Variants in SZT2 observed in about 807,000 individuals in gnomAD.
The protein encoded by SZT2 is KICSTOR complex protein SZT2.
A neutral mutation model predicts 404.2 loss-of-function variants in SZT2; 216 were observed. That is an observed-to-expected ratio of 0.53 (90% CI 0.48 to 0.60). The LOEUF is 0.60. Ranked by LOEUF, SZT2 falls within the 20% of genes least tolerant of loss-of-function variation. SZT2 has a pLI of 0.00. For missense variants in SZT2, 3,857 were observed against 4,459.2 expected, an observed-to-expected ratio of 0.86 and a Z score of 3.85; for synonymous variants, 1,693 against 1,749.9, an observed-to-expected ratio of 0.97 and a Z score of 0.81.
Position 43,427,071 on chromosome 1 carries a change from G to A in SZT2, c.3325G>A (p.Glu1109Lys), listed in dbSNP as rs772564841. 12 of 1,614,018 alleles carry A rather than the reference G, an allele frequency of 7.4e-6. No individual in the cohort carries two copies. In the South Asian group the frequency reaches 8.8e-5, roughly 12 times the overall value. ...TCTCTTACAGAGTGTAGGTCTTCCT[G>A]AAACTCTCAAGCCTCTCATCTCTGC... ...AFTSLSVGLP[E>K]TLKPLISAQP... is the part of the protein sequence containing the mutation. Residue 1109 changes from glutamate (E) to lysine (K), a missense_variant, in exon 24 of 72, where the codon GAA becomes AAA. Transcript: ENST00000634258.
intron 39 of SZT2, 70 bp downstream of exon 39, chr1:43,432,869 G>A: frequency 6.3e-7 from 1 of 1,599,254 alleles, no homozygotes; most frequent in South Asian, 1.1e-5. Context: ...ACTGGGAAAG[G>A]TCTGGACAGG....
At position 43,453,532 on chromosome 1, in the gene SZT2, ACACTCCCCTGCCCGCGCCCCGG is replaced by A. The variant is rs763849207; in HGVS notation, c.*3056_*3077del. 5.0e-5 allele frequency: 76 copies of A among 1,528,406 alleles called. 2 individuals carry two copies. The Middle Eastern group carries it at 6.8e-4, about 14-fold the overall frequency. The allele number at this position is 1,528,406 out of a possible 1,614,324, so 94.7% of individuals were successfully genotyped here. ...GAACGGGCCTCAGCCCCCGGCTCGG[ACACTCCCCTGCCCGCGCCCCGG>A]CACCCCCCAGCCCTCCCAGCCCTCC... On this transcript the variant is annotated 3_prime_UTR_variant, in exon 72 of 72. Transcript: ENST00000634258.
In SZT2 at chr1:43,438,729, T is replaced by A; in HGVS notation, c.6539T>A (p.Val2180Asp). The A allele has an allele frequency of 6.2e-7, 1 of 1,613,854 alleles. No homozygotes were observed. Among genetic ancestry groups the A allele is most frequent in the Non-Finnish European group, 8.5e-7 (1 of 1,179,958 alleles). Reference sequence around the variant, plus strand: ...GAGATCACGGATGAGCTCGTGCGAGTTCTATGTCGGCGCCTGGATGAGGCC... The same window carrying A: ...GAGATCACGGATGAGCTCGTGCGAGATCTATGTCGGCGCCTGGATGAGGCC... ...GPEITDELVR[V>D]LCRRLDEATL... Residue 2180 changes from valine (V) to aspartate (D), a missense_variant, in exon 47 of 72, where the codon GTT (valine) becomes GAT (aspartate). Val to Asp is a radical substitution (Grantham distance 152). This residue lies in a region of SZT2 where 261 missense variants were observed against 372.9 expected (regional missense o/e 0.70). Coordinates refer to ENST00000634258, the MANE Select transcript of SZT2 (RefSeq NM_001365999.1).
Position 43,426,207 on chromosome 1 carries a change from G to C in SZT2, c.3043+56G>C. 1 of 1,580,352 alleles carries C rather than the reference G, an allele frequency of 6.3e-7. No homozygotes were observed. The highest frequency in any genetic ancestry group is 8.6e-7 in the Non-Finnish European group (1 of 1,157,380). On this transcript the variant is annotated intron_variant, in intron 21 of 71. Transcript: ENST00000634258. The surrounding 1 kb of genome is among the most constrained non-coding windows in gnomAD (Gnocchi z 4.9). ...ACCTAAAGGGCCAGCAAGCCTGGAA[G>C]TATTAGAAAATAACAAACAGATGGG...
In SZT2 at chr1:43,453,354, C is replaced by G. The variant is rs2153938632; in HGVS notation, c.*2874C>G. The G allele has an allele frequency of 1.4e-6, 2 of 1,407,820 alleles. No individual in the cohort carries two copies. Among genetic ancestry groups the G allele is most frequent in the East Asian group, 5.1e-5 (2 of 38,902 alleles). 87.2% of individuals were successfully genotyped at this position (1,407,820 alleles called of 1,614,324 possible). On this transcript the variant is annotated 3_prime_UTR_variant, in exon 72 of 72. Coordinates refer to ENST00000634258, the MANE Select transcript of SZT2 (RefSeq NM_001365999.1). Reference sequence around the variant, plus strand: ...CTGAACCTGCATCAGGGTCATGGGTCACAGGGGTGGGGGTGGGGTGGAGCG... The same window carrying G: ...CTGAACCTGCATCAGGGTCATGGGTGACAGGGGTGGGGGTGGGGTGGAGCG...
At chr1:43,406,124 G>A (rs1333994007) in intron 4 of SZT2, among the ~76,000 whole-genome samples, 1 of 152,142 alleles carries the variant, frequency 6.6e-6, no homozygotes, top group African/African-American at 2.4e-5. Context: ...GTCTTGCTCT[G>A]TTGCCCGGGC....
rs1472749281 is a variant in SZT2, at chr1:43,422,218, C to T, written c.1762C>T (p.His588Tyr). The T allele has an allele frequency of 1.9e-6, 3 of 1,582,762 alleles. No homozygotes were observed. Among genetic ancestry groups the T allele is most frequent in the Non-Finnish European group, 2.6e-6 (3 of 1,167,936 alleles). ...HMHRLVLILEHDTPIPKHLHT... is the reference protein window; with the variant it reads ...HMHRLVLILEYDTPIPKHLHT... ...GCATCGCCTGGTGCTAATCCTGGAG[C>T]ATGACACGTGGGTGCCCTTAGGGCT... The change falls in exon 12 of 72, where the codon CAT becomes TAT. Residue 588 changes from histidine (H) to tyrosine (Y), a missense_variant. Around this residue, in one of 7 missense-constraint regions of SZT2, gnomAD observed 1,725 missense variants for 1,881.0 expected, o/e 0.92. Coordinates refer to ENST00000634258, the MANE Select transcript of SZT2 (RefSeq NM_001365999.1).
chr1:43,448,781 C>T lies in SZT2; in HGVS notation c.10086+53C>T. 1 of 1,530,884 alleles carries T rather than the reference C, an allele frequency of 6.5e-7. No individual in the cohort carries two copies. Among genetic ancestry groups the T allele is most frequent in the Non-Finnish European group, 9.0e-7 (1 of 1,105,058 alleles). The allele number at this position is 1,530,884 out of a possible 1,614,324, so 94.8% of individuals were successfully genotyped here. A position where few individuals can be genotyped will look rare whatever the true frequency, so the allele number is the denominator to read the frequency against. On this transcript the variant is annotated intron_variant, in intron 70 of 71. Coordinates refer to ENST00000634258, the MANE Select transcript of SZT2 (RefSeq NM_001365999.1). This position sits in a 1 kb window ranked among gnomAD's most constrained non-coding sequence, Gnocchi z 4.2. ...AGGGAAACACAGCAGAAATCCTCAC[C>T]AAACAGATGTGCCCCTCAGCCTGAC...
intron 66 of SZT2, 75 bp from the exon 67 acceptor site, chr1:43,447,470 C>T (rs1655814885): frequency 1.9e-6 from 3 of 1,554,898 alleles, no homozygotes; most frequent in Non-Finnish European, 2.6e-6. Context: ...TAAAGACTCC[C>T]ATCCCTGTGC....
chr1:43,414,331 C>T (rs1651440011), intron 4 of SZT2, among the ~76,000 whole-genome samples: 1 of 152,050 alleles, frequency 6.6e-6, no homozygotes, highest in Non-Finnish European at 1.5e-5. Context: ...ACCCCATTTA[C>T]CATGATTTAA....
rs752473314 is a variant in SZT2, at chr1:43,428,455, C to T, written c.4135C>T (p.Arg1379Trp). Residue 1379 changes from arginine (R) to tryptophan (W), a missense_variant, in exon 28 of 72, where the codon CGG becomes TGG. Transcript: ENST00000634258. ...CAGCATGGAGGAGGGTGCTGAACCT[C>T]GGGAACGAGCTATCCTAGCTTCTGA... ...SSSMEEGAEP[R>W]ERAILASESS... is the part of the protein sequence containing the mutation. 6.8e-6 allele frequency: 11 copies of T among 1,613,902 alleles called. No individual in the cohort carries two copies. Among genetic ancestry groups the T allele is most frequent in the South Asian group, 1.1e-5 (1 of 91,080 alleles).
At chr1:43,418,447 T>C (rs1034171583) in intron 7 of SZT2, among the ~76,000 whole-genome samples, 1 of 152,128 alleles carries the variant, frequency 6.6e-6, no homozygotes, top group Admixed American at 6.5e-5. Flanking sequence ...TAGAAAGAAG[T>C]GAAGATGTCT....
At chr1:43,428,181 T>C (rs1570657875) in intron 27 of SZT2, 59 bp from the exon 28 acceptor site, 1 of 1,611,960 alleles carries the variant, frequency 6.2e-7, no homozygotes, top group Non-Finnish European at 8.5e-7. Context: ...GATTACAGGG[T>C]GGGGACTGGA....
At position 43,448,522 on chromosome 1, in the gene SZT2, T is replaced by C; in HGVS notation, c.9969+38T>C. 1.9e-6 allele frequency: 3 copies of C among 1,610,298 alleles called. No individual in the cohort carries two copies. Among genetic ancestry groups the C allele is most frequent in the Non-Finnish European group, 2.5e-6 (3 of 1,177,712 alleles). On this transcript the variant is annotated intron_variant, in intron 69 of 71. Coordinates refer to ENST00000634258, the MANE Select transcript of SZT2 (RefSeq NM_001365999.1). This position sits in a 1 kb window ranked among gnomAD's most constrained non-coding sequence, Gnocchi z 4.2. ...GGGCTCCCGAAAGAGCTGGGATAGG[T>C]GCCAGGAATTCCACTGGCAGCCAGG...
At position 43,426,662 on chromosome 1, in the gene SZT2, C is replaced by G. The variant is rs934302055; in HGVS notation, c.3215-53C>G. On this transcript the variant is annotated intron_variant, in intron 22 of 71. Transcript: ENST00000634258. The surrounding 1 kb of genome is among the most constrained non-coding windows in gnomAD (Gnocchi z 4.9). ...CCTCCCCCTTTCTTCAACCCAGAGT[C>G]CCGCCTCTCTGCTGGCCCTGCCCTC... is the stretch of plus-strand genomic sequence containing the variant. 1 of 1,532,590 alleles carries G rather than the reference C, an allele frequency of 6.5e-7. No individual in the cohort carries two copies. Among genetic ancestry groups the G allele is most frequent in the African/African-American group, 1.4e-5 (1 of 73,036 alleles). 94.9% of individuals were successfully genotyped at this position (1,532,590 alleles called of 1,614,324 possible).
At chr1:43,434,285 C>A in intron 40 of SZT2, 101 bp from the exon 41 acceptor site, 2 of 1,024,790 alleles carry the variant, frequency 2.0e-6, no homozygotes, top group Non-Finnish European at 2.8e-6. Context: ...TTTCTCTCCC[C>A]CTCGTGATAC....
In SZT2 at chr1:43,441,201, G is replaced by C. The variant is rs1557590205; in HGVS notation, c.7345-13G>C. The C allele has an allele frequency of 6.8e-6, 11 of 1,612,574 alleles. No homozygotes were observed. The highest frequency in any genetic ancestry group is 9.3e-6 in the Non-Finnish European group (11 of 1,178,904). ...TCCCAGTAGCCCTTCCTCATTCACTGCATTGCCCCCAGAGTAAAACAGAAT... is the reference window on the plus strand; with the variant it reads ...TCCCAGTAGCCCTTCCTCATTCACTCCATTGCCCCCAGAGTAAAACAGAAT... On this transcript the variant is annotated splice_polypyrimidine_tract_variant and intron_variant, in intron 52 of 71. Transcript: ENST00000634258. This position sits in a 1 kb window ranked among gnomAD's most constrained non-coding sequence, Gnocchi z 4.8.
chr1:43,439,143 G>GC lies in SZT2; in HGVS notation c.6792+54dup. Reference sequence around the variant, plus strand: ...ACACTCATGTGCACCCCTGCCCCCTGCCCCACGCACTTACTCTTTCCTACC... The same window carrying GC: ...ACACTCATGTGCACCCCTGCCCCCTGCCCCCACGCACTTACTCTTTCCTACC... On this transcript the variant is annotated intron_variant, in intron 48 of 71. Transcript: ENST00000634258. This position sits in a 1 kb window ranked among gnomAD's most constrained non-coding sequence, Gnocchi z 4.2. The GC allele has an allele frequency of 6.2e-7, 1 of 1,610,040 alleles. No homozygotes were observed. Among genetic ancestry groups the GC allele is most frequent in the South Asian group, 1.1e-5 (1 of 90,782 alleles).
Position 43,430,371 on chromosome 1 carries a change from G to T in SZT2, c.4462G>T (p.Glu1488Ter). Residue 1488 changes from glutamate to a stop codon, truncating the protein, a stop_gained, in exon 31 of 72, where the codon GAG (glutamate) becomes TAG (stop). Transcript: ENST00000634258. LOFTEE classifies it high-confidence loss of function. ...CAGTGACCTGGAGTTTTCAGAGGCT[G>T]AGCTTATGGGAGAAGAAGGTATGTG... Reference protein sequence around the residue: ...KISDLEFSEAELMGEEGDTSA... With the variant: ...KISDLEFSEA 6.2e-7 allele frequency: 1 copy of T among 1,607,956 alleles called. No individual in the cohort carries two copies. Among genetic ancestry groups the T allele is most frequent in the Non-Finnish European group, 8.5e-7 (1 of 1,178,022 alleles).
Sources: allele counts gnomAD v4.1 joint callset (sites outside exome capture counted in the v4.1 genomes callset), GRCh38; gene constraint gnomAD v4.1.1; regional missense constraint gnomAD v4.1.1; non-coding constraint Gnocchi (gnomAD v3.1); transcripts MANE v1.5; gene names NCBI Gene and HGNC (gene_info 2026-07-23, HGNC 2026-07-21).